The following MCTP2 variants were observed in gnomAD, a reference collection of about 807,000 sequenced individuals.
MCTP2 encodes the protein multiple C2 and transmembrane domain-containing protein 2.
Under a neutral mutation model 111.6 loss-of-function variants are expected in MCTP2, and 132 were observed. That is an observed-to-expected ratio of 1.18 (90% CI 1.03 to 1.37). The LOEUF (loss-of-function observed/expected upper bound fraction) is 1.37. MCTP2 is among the 40% of genes most tolerant of loss of function. MCTP2 has a pLI of 0.00. For synonymous variants in MCTP2, 395 were observed against 387.7 expected (o/e 1.02, Z -0.22); for missense variants, 1,183 against 1,067.9 (o/e 1.11, Z -1.50).
intron 2 of MCTP2, among the ~76,000 whole-genome samples, chr15:94,303,077 TTATATATATATAGTTTATATAGTTTA>T (rs1440347051): frequency 7.6e-6 from 1 of 131,208 alleles, no homozygotes; most frequent in South Asian, 2.3e-4. Flanking sequence ...TATATATAGT[TTATATATATATAGTTTATATAGTTTA>T]TATATATATA....
chr15:94,305,096 C>T (rs897542088), intron 2 of MCTP2, among the ~76,000 whole-genome samples: 3 of 152,044 alleles, frequency 2.0e-5, no homozygotes, highest in African/African-American at 7.2e-5. Context: ...TGTTGAATCT[C>T]TAACCTTTAC....
intron 8 of MCTP2, among the ~76,000 whole-genome samples, chr15:94,350,301 TC>T (rs1233674709): frequency 4.6e-5 from 7 of 152,106 alleles, no homozygotes; most frequent in Non-Finnish European, 8.8e-5. Context: ...TAAAATGGCA[TC>T]CGGGGCTGGG....
chr15:94,359,917 C>T (rs115361070), intron 10 of MCTP2, among the ~76,000 whole-genome samples: 2,214 of 152,176 alleles, frequency 0.015, 44 homozygotes, highest in African/African-American at 0.048. Flanking sequence ...AATGTTGCTC[C>T]GGTGTCTCTC....
intron 19 of MCTP2, among the ~76,000 whole-genome samples, chr15:94,456,205 T>C (rs1259702115): frequency 6.6e-6 from 1 of 152,194 alleles, no homozygotes; most frequent in African/African-American, 2.4e-5. Context: ...TCTTTGGATA[T>C]TTAATACTCC....
chr15:94,326,119 C>T (rs918226944), intron 4 of MCTP2, among the ~76,000 whole-genome samples: 1 of 151,814 alleles, frequency 6.6e-6, no homozygotes, highest in Non-Finnish European at 1.5e-5. Context: ...GTGGCTGGCC[C>T]GCCCCGATTT....
At chr15:94,384,803 A>C (rs1316534577) in intron 13 of MCTP2, among the ~76,000 whole-genome samples, 1 of 152,216 alleles carries the variant, frequency 6.6e-6, no homozygotes, top group Non-Finnish European at 1.5e-5. Flanking sequence ...GTTCCCAAGG[A>C]TCTATGAAAA....
chr15:94,434,285 C>G (rs2083345953), intron 17 of MCTP2, among the ~76,000 whole-genome samples: 2 of 151,860 alleles, frequency 1.3e-5, no homozygotes, highest in Non-Finnish European at 2.9e-5. Context: ...GTGATGTTGC[C>G]CAGGCTGGTC....
At chr15:94,328,324 T>G (rs1318854010) in intron 4 of MCTP2, among the ~76,000 whole-genome samples, 1 of 152,002 alleles carries the variant, frequency 6.6e-6, no homozygotes, top group African/African-American at 2.4e-5. Flanking sequence ...GAGACGGGGT[T>G]TCACTGTGTT....
At chr15:94,319,817 G>A (rs1378393173) in intron 4 of MCTP2, among the ~76,000 whole-genome samples, 1 of 152,180 alleles carries the variant, frequency 6.6e-6, no homozygotes, top group Non-Finnish European at 1.5e-5. Context: ...AAGAAACTGT[G>A]TGATATGCTA....
In MCTP2 at chr15:94,339,282, T is replaced by C. The variant is rs1400752162; in HGVS notation, c.638-8T>C. 6.3e-7 allele frequency: 1 copy of C among 1,576,718 alleles called. No homozygotes were observed. Among genetic ancestry groups the C allele is most frequent in the South Asian group, 1.2e-5 (1 of 86,198 alleles). On this transcript the variant is annotated splice_region_variant and splice_polypyrimidine_tract_variant and intron_variant, in intron 4 of 22. Coordinates refer to ENST00000357742, the MANE Select transcript of MCTP2 (RefSeq NM_001385001.1). Reference sequence around the variant, plus strand: ...AAAATTCTGTCTTGTTTTCTTTTCCTTTTAAAGGCACAAGTGATCCTTATG... The same window carrying C: ...AAAATTCTGTCTTGTTTTCTTTTCCCTTTAAAGGCACAAGTGATCCTTATG...
At chr15:94,320,742 A>G (rs551177480) in intron 4 of MCTP2, among the ~76,000 whole-genome samples, 6 of 152,322 alleles carry the variant, frequency 3.9e-5, no homozygotes, top group South Asian at 4.1e-4. Context: ...AGAGATGAAG[A>G]TGACTTTCAT....
chr15:94,316,621 TA>T (rs1167474040), intron 4 of MCTP2, among the ~76,000 whole-genome samples: 1 of 152,234 alleles, frequency 6.6e-6, no homozygotes, highest in Non-Finnish European at 1.5e-5. Context: ...TGTTTTCTTC[TA>T]AATTTTTATA....
At chr15:94,357,900 ACT>A (rs1236061900) in intron 9 of MCTP2, among the ~76,000 whole-genome samples, 2 of 152,108 alleles carry the variant, frequency 1.3e-5, no homozygotes, top group African/African-American at 2.4e-5. Context: ...TTTTCAAGTC[ACT>A]CTCGTTAATT....
In MCTP2 at chr15:94,265,421, A is replaced by G. The variant is rs1312518253; in HGVS notation, c.-65-32780A>G. ...CTGGGACCTTAAAGCCAAGGTCTCC[A>G]TGCTTTTGGTTCATGGCACTCTATT... On this transcript the variant is annotated intron_variant, in intron 1 of 22. Transcript: ENST00000357742. 3.3e-5 allele frequency among the ~76,000 whole-genome samples: 5 copies of G among 152,194 alleles called. No individual in the cohort carries two copies. The East Asian group carries it at 9.6e-4, about 29-fold the overall frequency.
intron 2 of MCTP2, among the ~76,000 whole-genome samples, chr15:94,311,058 T>C (rs1048797264): frequency 1.3e-5 from 2 of 148,598 alleles, no homozygotes; most frequent in Non-Finnish European, 3.0e-5. Flanking sequence ...GGAGTCTCAC[T>C]CTGTTGCCCA....
At chr15:94,353,764 C>A (rs2078446156) in intron 8 of MCTP2, among the ~76,000 whole-genome samples, 1 of 152,100 alleles carries the variant, frequency 6.6e-6, no homozygotes, top group African/African-American at 2.4e-5. Context: ...GGAATTGCAG[C>A]AGGATATATG....
chr15:94,357,563 T>G (rs973375570), intron 9 of MCTP2, among the ~76,000 whole-genome samples: 67 of 147,886 alleles, frequency 4.5e-4, no homozygotes, highest in African/African-American at 2.8e-4. Flanking sequence ...TTTTTTGTTT[T>G]TGTTTTTTTC....
chr15:94,265,438 C>A (rs2073463708), intron 1 of MCTP2, among the ~76,000 whole-genome samples: 1 of 152,146 alleles, frequency 6.6e-6, no homozygotes. Flanking sequence ...TGGTTCATGG[C>A]ACTCTATTAT....
chr15:94,451,058 T>A (rs1269958754), intron 19 of MCTP2, among the ~76,000 whole-genome samples: 1 of 152,224 alleles, frequency 6.6e-6, no homozygotes, highest in African/African-American at 2.4e-5. Flanking sequence ...CCCTGATTTT[T>A]AAAATTTTTT....
Sources: allele counts gnomAD v4.1 joint callset (sites outside exome capture counted in the v4.1 genomes callset), GRCh38; gene constraint gnomAD v4.1.1; transcripts MANE v1.5; gene names NCBI Gene and HGNC (gene_info 2026-07-23, HGNC 2026-07-21).